The following EXT1 variants were observed in gnomAD, a reference collection of about 807,000 sequenced individuals.
The protein encoded by EXT1 is exostosin glycosyltransferase 1, also known as exostosin-1.
A neutral mutation model predicts 82.5 loss-of-function variants in EXT1; 20 were observed. The ratio of observed to expected loss-of-function variants is 0.24; its 90% CI spans 0.17 to 0.35. The LOEUF (loss-of-function observed/expected upper bound fraction) is 0.35, where lower values mean the gene tolerates loss of function less well. Ranked by LOEUF, EXT1 falls within the 10% of genes least tolerant of loss-of-function variation. The pLI, the probability that EXT1 is intolerant of heterozygous loss-of-function variation, is 1.00. For synonymous variants in EXT1, 348 were observed against 350.8 expected (o/e 0.99, Z 0.09); for missense variants, 757 against 936.5 (o/e 0.81, Z 2.50).
At chr8:118,045,888 C>G (rs117659387) in intron 1 of EXT1, among the ~76,000 whole-genome samples, 30 of 152,102 alleles carry the variant, frequency 2.0e-4, no homozygotes, top group Non-Finnish European at 4.3e-4. Flanking sequence ...CTTCAACTCC[C>G]AGGTTGAAGC....
chr8:117,845,677 G>C (rs965128329), intron 1 of EXT1, among the ~76,000 whole-genome samples: 5 of 151,890 alleles, frequency 3.3e-5, no homozygotes, highest in Non-Finnish European at 7.4e-5. Context: ...TGAACTCCTG[G>C]CCTCAAGTGA....
At position 117,894,267 on chromosome 8, in the gene EXT1, G is replaced by A. The variant is rs149541314; in HGVS notation, c.963-57066C>T. Among the ~76,000 whole-genome samples the A allele has an allele frequency of 1.3e-3, 201 of 152,110 alleles. 3 individuals are homozygous for A. In the South Asian group the frequency reaches 0.022, roughly 16 times the overall value. ...TTGTCCAGGCTGGTCTTGAACAACT[G>A]AGTTCAAGCAATCCTTCTGCCGCAG... On this transcript the variant is annotated intron_variant, in intron 1 of 10. Transcript: ENST00000378204.
chr8:117,998,015 CTTTTTTT>C (rs11324491), intron 1 of EXT1, among the ~76,000 whole-genome samples: 1 of 125,664 alleles, frequency 8.0e-6, no homozygotes, highest in Admixed American at 8.4e-5. Flanking sequence ...TTTTATTTTA[CTTTTTTT>C]TTTTTTTTTT....
chr8:117,894,729 C>G (rs1586269413), intron 1 of EXT1, among the ~76,000 whole-genome samples: 1 of 152,164 alleles, frequency 6.6e-6, no homozygotes, highest in East Asian at 1.9e-4. Flanking sequence ...AGTGCCTCTT[C>G]CCAAGACAGC....
rs1009535706 is a variant in EXT1, at chr8:117,798,014, T to G, written c.*1698A>C. 3 of 152,270 alleles carry G rather than the reference T, an allele frequency of 2.0e-5. No homozygotes were observed. Among genetic ancestry groups the G allele is most frequent in the Non-Finnish European group, 4.4e-5 (3 of 68,120 alleles). 9.4% of individuals were successfully genotyped at this position (152,270 alleles called of 1,614,324 possible). ...AGCCTGTTGAGTCACTTCTCTGGAC[T>G]TCCACAAACACTTTCACTCCTGTTT... On this transcript the variant is annotated 3_prime_UTR_variant, in exon 11 of 11. Transcript: ENST00000378204.
intron 1 of EXT1, among the ~76,000 whole-genome samples, chr8:118,010,464 C>T (rs1364903246): frequency 6.6e-6 from 1 of 150,684 alleles, no homozygotes; most frequent in Non-Finnish European, 1.5e-5. Context: ...CTCATCAAAA[C>T]AAGCAAAAAA....
intron 1 of EXT1, among the ~76,000 whole-genome samples, chr8:117,959,217 G>C (rs770051089): frequency 6.6e-6 from 1 of 152,186 alleles, no homozygotes; most frequent in African/African-American, 2.4e-5. Context: ...CAAGGGACAG[G>C]CAGCTTTTCC....
chr8:118,070,321 AACAT>A (rs780062448), intron 1 of EXT1, among the ~76,000 whole-genome samples: 11 of 150,854 alleles, frequency 7.3e-5, no homozygotes, highest in Non-Finnish European at 1.2e-4. Context: ...ACTTAGAGTA[AACAT>A]ACAGTTATTT....
intron 8 of EXT1, among the ~76,000 whole-genome samples, chr8:117,811,551 T>C (rs1330550873): frequency 6.6e-6 from 1 of 152,156 alleles, no homozygotes; most frequent in Non-Finnish European, 1.5e-5. Context: ...CCTGGGATTA[T>C]TTAGGTTGCC....
intron 1 of EXT1, among the ~76,000 whole-genome samples, chr8:117,855,960 A>G (rs1812549223): frequency 6.6e-6 from 1 of 152,122 alleles, no homozygotes; most frequent in African/African-American, 2.4e-5. Flanking sequence ...GTAAGCCACC[A>G]TGCCCGGCCG....
At chr8:117,947,013 T>C (rs1814402592) in intron 1 of EXT1, among the ~76,000 whole-genome samples, 1 of 152,180 alleles carries the variant, frequency 6.6e-6, no homozygotes, top group Non-Finnish European at 1.5e-5. Context: ...AGAATTATTA[T>C]AAAGGAGCCT....
chr8:118,105,881 T>C (rs17477476), intron 1 of EXT1, among the ~76,000 whole-genome samples: 8,306 of 152,284 alleles, frequency 0.055, 707 homozygotes, highest in African/African-American at 0.18. Context: ...AAAAAGTATT[T>C]AGCATTTTTA....
In EXT1 at chr8:117,962,758, ACC is replaced by A. The variant is rs917659195; in HGVS notation, c.963-125559_963-125558del. ...ATGGGGAAAGACTCCATCCCCCCAC[ACC>A]CCCCACCCCCAAAAAAAAGAGAAAA... is the stretch of plus-strand genomic sequence containing the variant. On this transcript the variant is annotated intron_variant, in intron 1 of 10. Coordinates refer to ENST00000378204, the MANE Select transcript of EXT1 (RefSeq NM_000127.3). 4.1e-5 allele frequency among the ~76,000 whole-genome samples: 4 copies of A among 98,644 alleles called. 1 individual carries two copies. The highest frequency in any genetic ancestry group is 0.013 in the Middle Eastern group (2 of 160). 64.7% of individuals were successfully genotyped at this position (98,644 alleles called of 152,430 possible).
intron 1 of EXT1, among the ~76,000 whole-genome samples, chr8:117,946,612 C>T (rs1052899996): frequency 1.3e-5 from 2 of 152,112 alleles, no homozygotes; most frequent in African/African-American, 4.8e-5. Context: ...CAGACAAAAG[C>T]GTCATCCACA....
chr8:117,872,267 T>C (rs779322525), intron 1 of EXT1, among the ~76,000 whole-genome samples: 2 of 152,166 alleles, frequency 1.3e-5, no homozygotes, highest in Non-Finnish European at 2.9e-5. Context: ...GGGAAGAGTA[T>C]GCTCTATCAT....
intron 1 of EXT1, among the ~76,000 whole-genome samples, chr8:117,962,766 C>G (rs76804018): frequency 2.1e-5 from 2 of 95,042 alleles, no homozygotes; most frequent in African/African-American, 2.6e-4. Context: ...ACACCCCCCA[C>G]CCCCAAAAAA....
At chr8:117,828,206 A>AC (rs1812039499) in intron 4 of EXT1, among the ~76,000 whole-genome samples, 1 of 152,212 alleles carries the variant, frequency 6.6e-6, no homozygotes, top group Non-Finnish European at 1.5e-5. Context: ...TAGTGGTTTT[A>AC]CATGAATGAA....
intron 1 of EXT1, among the ~76,000 whole-genome samples, chr8:118,088,417 G>A (rs982234752): frequency 1.3e-5 from 2 of 151,574 alleles, no homozygotes; most frequent in South Asian, 2.1e-4. Context: ...TTTCTGGCAC[G>A]GTTCAGACTT....
At chr8:117,931,400 G>T (rs916614176) in intron 1 of EXT1, among the ~76,000 whole-genome samples, 1 of 151,794 alleles carries the variant, frequency 6.6e-6, no homozygotes, top group Non-Finnish European at 1.5e-5. Context: ...TGATATATTA[G>T]CAATTGATAA....
Sources: gnomAD v4.1 joint callset for allele counts (sites outside exome capture counted in the v4.1 genomes callset) on GRCh38, gnomAD v4.1.1 for gene constraint, MANE v1.5 for transcripts, NCBI Gene and HGNC (gene_info 2026-07-23, HGNC 2026-07-21) for gene names.